UBR3: variants seen among roughly 807,000 people sequenced by gnomAD.
UBR3 encodes the protein ubiquitin protein ligase E3 component n-recognin 3.
UBR3 carries 85 observed loss-of-function variants against 243.2 expected under a neutral mutation model. The observed-to-expected ratio is 0.35, with a 90% CI of 0.29 to 0.42. UBR3 has a LOEUF of 0.42. Among genes scored for constraint, UBR3 ranks in the 10% least tolerant of loss-of-function variants. UBR3 has a pLI of 1.00. For missense variants in UBR3, 1,686 were observed against 2,300.8 expected (o/e 0.73, Z 5.47); for synonymous variants, 748 against 799.8 (o/e 0.94, Z 1.09).
intron 23 of UBR3, among the ~76,000 whole-genome samples, chr2:169,953,478 G>T (rs1397229923): frequency 2.6e-5 from 4 of 152,190 alleles, no homozygotes; most frequent in Non-Finnish European, 4.4e-5. Flanking sequence ...GTAATAAAAT[G>T]CAGCTTCAAT....
At chr2:169,859,286 T>C (rs2083001467) in intron 1 of UBR3, among the ~76,000 whole-genome samples, 1 of 152,092 alleles carries the variant, frequency 6.6e-6, no homozygotes, top group Admixed American at 6.6e-5. Flanking sequence ...CTAGCCAGGA[T>C]GGTCTCGATC....
intron 18 of UBR3, among the ~76,000 whole-genome samples, chr2:169,929,219 T>C (rs1273666086): frequency 6.6e-6 from 1 of 152,166 alleles, no homozygotes; most frequent in East Asian, 1.9e-4. Flanking sequence ...CTCTCCAAAT[T>C]TGATTTTGAA....
chr2:169,856,740 G>A (rs1172293238), intron 1 of UBR3, among the ~76,000 whole-genome samples: 2 of 151,660 alleles, frequency 1.3e-5, no homozygotes, highest in East Asian at 2.0e-4. Flanking sequence ...GCTGAGGCAG[G>A]AGAATCAGGC....
chr2:169,989,722 T>C (rs186821475), intron 25 of UBR3, among the ~76,000 whole-genome samples: 1 of 152,312 alleles, frequency 6.6e-6, no homozygotes, highest in East Asian at 1.9e-4. Flanking sequence ...AATATTGAGA[T>C]AGTGGGGTTT....
chr2:169,881,927 A>T (rs1206224719), intron 5 of UBR3, among the ~76,000 whole-genome samples: 1 of 91,588 alleles, frequency 1.1e-5, no homozygotes, highest in African/African-American at 3.2e-5. Context: ...GTATACATGT[A>T]TACATATAAT....
chr2:169,969,710 G>A (rs867013046), intron 24 of UBR3, among the ~76,000 whole-genome samples: 2 of 151,614 alleles, frequency 1.3e-5, no homozygotes, highest in African/African-American at 2.4e-5. Flanking sequence ...CACCATGCCC[G>A]GCTAATTTTT....
At chr2:169,834,807 C>T (rs971541737) in intron 1 of UBR3, among the ~76,000 whole-genome samples, 1 of 152,264 alleles carries the variant, frequency 6.6e-6, no homozygotes, top group Non-Finnish European at 1.5e-5. Context: ...GTGGAATATA[C>T]GTACAATGGA....
intron 1 of UBR3, among the ~76,000 whole-genome samples, chr2:169,837,859 C>T (rs1390097449): frequency 6.6e-6 from 1 of 152,176 alleles, no homozygotes; most frequent in Non-Finnish European, 1.5e-5. Context: ...TATGAGGATT[C>T]ACTTATTGAA....
chr2:169,966,056 T>G (rs2087792943), intron 24 of UBR3, among the ~76,000 whole-genome samples: 1 of 152,206 alleles, frequency 6.6e-6, no homozygotes, highest in Non-Finnish European at 1.5e-5. Flanking sequence ...CTACTGTGAT[T>G]AGCACTCTTG....
intron 33 of UBR3, among the ~76,000 whole-genome samples, chr2:170,056,518 T>C (rs555918133): frequency 6.6e-6 from 1 of 152,274 alleles, no homozygotes; most frequent in Admixed American, 6.5e-5. Context: ...TGGTTCAGCT[T>C]AGAGACAGAT....
At chr2:169,855,164 A>G (rs1285031993) in intron 1 of UBR3, among the ~76,000 whole-genome samples, 2 of 152,158 alleles carry the variant, frequency 1.3e-5, no homozygotes, top group Non-Finnish European at 2.9e-5. Context: ...CTTCACGGGT[A>G]TGGAGAAAAG....
At chr2:169,996,702 T>G (rs576628221) in intron 26 of UBR3, among the ~76,000 whole-genome samples, 48 of 147,066 alleles carry the variant, frequency 3.3e-4, no homozygotes, top group African/African-American at 9.8e-4. Context: ...TGTTTTTTTT[T>G]TTTTTTTTTT....
chr2:169,845,641 T>C (rs1001395450), intron 1 of UBR3, among the ~76,000 whole-genome samples: 1 of 151,314 alleles, frequency 6.6e-6, no homozygotes, highest in Non-Finnish European at 1.5e-5. Flanking sequence ...TGGAATGCAG[T>C]GGTGCACCAT....
Position 169,951,017 on chromosome 2 carries a change from T to G in UBR3, c.3545+952T>G, listed in dbSNP as rs147285303. On this transcript the variant is annotated intron_variant, in intron 23 of 38. Transcript: ENST00000272793. ...ACTTCTCTGAGGTTATAAATAATAT[T>G]CATTGTTTTAATTTCTTTATTATTT... Among the ~76,000 whole-genome samples the G allele has an allele frequency of 2.4e-3, 371 of 152,336 alleles. 2 individuals carry two copies. Among genetic ancestry groups the G allele is most frequent in the Non-Finnish European group, 3.6e-3 (246 of 68,014 alleles).
intron 22 of UBR3, among the ~76,000 whole-genome samples, chr2:169,948,639 T>C (rs968424746): frequency 6.6e-6 from 1 of 152,070 alleles, no homozygotes. Context: ...AAGCAAAAAC[T>C]GGAAACTCTG....
intron 27 of UBR3, among the ~76,000 whole-genome samples, chr2:170,002,313 C>G (rs1314997278): frequency 2.0e-5 from 3 of 152,170 alleles, no homozygotes; most frequent in Admixed American, 1.3e-4. Context: ...CTTCCTATAA[C>G]AGTGGCTTAG....
intron 26 of UBR3, 105 bp downstream of exon 26, chr2:169,994,561 T>G (rs2089413168): frequency 7.5e-7 from 1 of 1,327,928 alleles, no homozygotes; most frequent in Non-Finnish European, 1.0e-6. Flanking sequence ...ATGTTAAATT[T>G]GAAAGTTTAT....
At chr2:169,975,769 T>C (rs1244067203) in intron 24 of UBR3, among the ~76,000 whole-genome samples, 1 of 152,036 alleles carries the variant, frequency 6.6e-6, no homozygotes, top group Non-Finnish European at 1.5e-5. Flanking sequence ...GCTATGATTG[T>C]ATCTGGGCAA....
intron 30 of UBR3, among the ~76,000 whole-genome samples, chr2:170,022,827 G>C (rs2090428115): frequency 6.6e-6 from 1 of 152,070 alleles, no homozygotes; most frequent in Non-Finnish European, 1.5e-5. Context: ...AGATGAGTCA[G>C]CTCCTGTCAT....
Sources: gnomAD v4.1 joint callset for allele counts (sites outside exome capture counted in the v4.1 genomes callset) on GRCh38, gnomAD v4.1.1 for gene constraint, MANE v1.5 for transcripts, NCBI Gene and HGNC (gene_info 2026-07-23, HGNC 2026-07-21) for gene names.